LINGO2: variants seen among roughly 807,000 people sequenced by gnomAD.
The protein encoded by LINGO2 is leucine-rich repeat and immunoglobulin-like domain-containing nogo receptor-interacting protein 2.
A neutral mutation model predicts 30.6 loss-of-function variants in LINGO2; 14 were observed. The observed-to-expected ratio is 0.46, with a 90% CI of 0.30 to 0.72. The LOEUF is 0.72. Ranked by LOEUF, LINGO2 falls within the 30% of genes least tolerant of loss-of-function variation. LINGO2 has a pLI of 0.07. For synonymous variants in LINGO2, 317 were observed against 288.5 expected, an observed-to-expected ratio of 1.10 and a Z score of -1.00; for missense variants, 729 against 751.7, an observed-to-expected ratio of 0.97 and a Z score of 0.35.
chr9:29,097,756 G>A, the LINGO2 span, among the ~76,000 whole-genome samples: 2 of 138,594 alleles, frequency 1.4e-5, 1 homozygote, highest in African/African-American at 5.4e-5. Flanking sequence ...ATCAATGCAT[G>A]CCCCTTCACT....
chr9:27,966,561 G>T (rs923509901), intron 5 of LINGO2, among the ~76,000 whole-genome samples: 1 of 151,958 alleles, frequency 6.6e-6, no homozygotes, highest in African/African-American at 2.4e-5. Context: ...CCCACACTGG[G>T]GCCTGTCAGG....
At chr9:28,021,123 T>C (rs1823099044) in intron 4 of LINGO2, among the ~76,000 whole-genome samples, 1 of 152,118 alleles carries the variant, frequency 6.6e-6, no homozygotes, top group African/African-American at 2.4e-5. Flanking sequence ...GGTGGAAGCT[T>C]AAATTATTTA....
intron 4 of LINGO2, among the ~76,000 whole-genome samples, chr9:28,098,315 C>T (rs1450857196): frequency 6.7e-6 from 1 of 148,878 alleles, no homozygotes; most frequent in African/African-American, 2.4e-5. Context: ...AAACAAAAAA[C>T]AAAAAACAAA....
intron 4 of LINGO2, among the ~76,000 whole-genome samples, chr9:28,211,472 T>G (rs1820589391): frequency 6.6e-6 from 1 of 151,366 alleles, no homozygotes; most frequent in Non-Finnish European, 1.5e-5. Context: ...GAGAGGAAAC[T>G]TGAACCCTCT....
At chr9:28,510,464 A>C (rs116184909) in intron 1 of LINGO2, among the ~76,000 whole-genome samples, 1,995 of 152,196 alleles carry the variant, frequency 0.013, 39 homozygotes, top group African/African-American at 0.045. Flanking sequence ...AATGATGATA[A>C]AGGTCTTCAT....
chr9:28,090,200 C>T (rs936462496), intron 4 of LINGO2, among the ~76,000 whole-genome samples: 1 of 152,164 alleles, frequency 6.6e-6, no homozygotes, highest in Non-Finnish European at 1.5e-5. Context: ...GGAGTCCTCC[C>T]TAACTCATTT....
At chr9:29,031,762 A>G in the LINGO2 span, among the ~76,000 whole-genome samples, 49,949 of 152,034 alleles carry the variant, frequency 0.33, 8,549 homozygotes, top group East Asian at 0.48. Context: ...AGCTCTTCCG[A>G]TAAGTATGAA....
At chr9:28,630,524 T>C (rs1407364520) in intron 1 of LINGO2, among the ~76,000 whole-genome samples, 1 of 152,116 alleles carries the variant, frequency 6.6e-6, no homozygotes, top group Non-Finnish European at 1.5e-5. Context: ...ACAGACATGA[T>C]ACAACTCAAG....
chr9:28,852,618 G>C, the LINGO2 span, among the ~76,000 whole-genome samples: 1,028 of 152,046 alleles, frequency 6.8e-3, 9 homozygotes, highest in African/African-American at 0.023. Flanking sequence ...TAACAGCTTA[G>C]ATATTAAGAC....
chr9:28,542,617 T>C (rs1821751205), intron 1 of LINGO2, among the ~76,000 whole-genome samples: 1 of 152,136 alleles, frequency 6.6e-6, no homozygotes, highest in African/African-American at 2.4e-5. Context: ...AAGTTCTTTT[T>C]TTTAATGGTA....
At chr9:28,394,236 G>A (rs1485008800) in intron 2 of LINGO2, among the ~76,000 whole-genome samples, 4 of 152,272 alleles carry the variant, frequency 2.6e-5, no homozygotes, top group East Asian at 1.9e-4. Flanking sequence ...TTCACTTTGC[G>A]TAAAGACTAT....
chr9:28,808,230 T>TAGTCATTCATCCTC, the LINGO2 span, among the ~76,000 whole-genome samples: 15 of 152,312 alleles, frequency 9.8e-5, no homozygotes, highest in East Asian at 2.3e-3. Flanking sequence ...CATGAATCCT[T>TAGTCATTCATCCTC]AGTCATTCAT....
the LINGO2 span, among the ~76,000 whole-genome samples, chr9:28,967,675 A>C: frequency 6.6e-6 from 1 of 152,146 alleles, no homozygotes. Flanking sequence ...TTGACTCTAG[A>C]TATCTAAGGG....
the LINGO2 span, among the ~76,000 whole-genome samples, chr9:28,885,230 C>G: frequency 1.4e-5 from 2 of 147,484 alleles, no homozygotes; most frequent in South Asian, 4.3e-4. Context: ...GCCCCTTGTG[C>G]CTGTCAGTCC....
the LINGO2 span, among the ~76,000 whole-genome samples, chr9:29,141,711 T>C: frequency 1.3e-5 from 2 of 151,842 alleles, no homozygotes; most frequent in Non-Finnish European, 2.9e-5. Context: ...TGGAAAAATA[T>C]ATTCCACACA....
the LINGO2 span, among the ~76,000 whole-genome samples, chr9:28,813,710 TAAAC>T: frequency 1.3e-5 from 2 of 152,030 alleles, no homozygotes; most frequent in Non-Finnish European, 2.9e-5. Context: ...ATGCTATAAA[TAAAC>T]AAATCAGAAT....
the LINGO2 span, among the ~76,000 whole-genome samples, chr9:28,806,863 C>A: frequency 6.6e-6 from 1 of 151,992 alleles, no homozygotes; most frequent in Non-Finnish European, 1.5e-5. Context: ...TGAATATAAT[C>A]ATTTCACTGT....
At chr9:28,850,522 G>T in the LINGO2 span, among the ~76,000 whole-genome samples, 50 of 151,860 alleles carry the variant, frequency 3.3e-4, no homozygotes, top group Admixed American at 1.3e-3. Flanking sequence ...ATGAACTATG[G>T]ACAAAAAAGA....
chr9:28,896,399 T>C, the LINGO2 span, among the ~76,000 whole-genome samples: 2 of 152,172 alleles, frequency 1.3e-5, no homozygotes, highest in Non-Finnish European at 2.9e-5. Context: ...TTTTCCAATA[T>C]GTTATGAATT....
Sources: gnomAD v4.1 joint callset for allele counts (sites outside exome capture counted in the v4.1 genomes callset) on GRCh38, gnomAD v4.1.1 for gene constraint, MANE v1.5 for transcripts, NCBI Gene and HGNC (gene_info 2026-07-23, HGNC 2026-07-21) for gene names.